Variants in SWAP70 observed in about 807,000 individuals in gnomAD.
SWAP70 encodes the protein switching B cell complex subunit SWAP70, also known as switch-associated protein 70.
Under a neutral mutation model 80.2 loss-of-function variants are expected in SWAP70, and 34 were observed. The ratio of observed to expected loss-of-function variants is 0.42; its 90% CI spans 0.32 to 0.56. SWAP70 has a LOEUF of 0.56. SWAP70 is among the 20% of genes least tolerant of loss of function. The pLI, the probability that SWAP70 is intolerant of heterozygous loss-of-function variation, is 0.09. For synonymous variants in SWAP70, 239 were observed against 238.5 expected (o/e 1.00, Z -0.02); for missense variants, 578 against 690.7 (o/e 0.84, Z 1.83).
At chr11:9,689,521 G>A (rs1177374918) in intron 1 of SWAP70, among the ~76,000 whole-genome samples, 2 of 152,236 alleles carry the variant, frequency 1.3e-5, no homozygotes, top group South Asian at 2.1e-4. Context: ...AATTATGTGG[G>A]TGCTGAAAGA....
At position 9,740,065 on chromosome 11, in the gene SWAP70, T is replaced by C. The variant is rs1018792441; in HGVS notation, c.1189-116T>C. 1.1e-5 allele frequency: 9 copies of C among 838,324 alleles called. No homozygotes were observed. The African/African-American group carries it at 1.5e-4, about 14-fold the overall frequency. The allele number at this position is 838,324 out of a possible 1,614,324, so 51.9% of individuals were successfully genotyped here. A position where few individuals can be genotyped will look rare whatever the true frequency, so the allele number is the denominator to read the frequency against. On this transcript the variant is annotated intron_variant, in intron 8 of 11. Transcript: ENST00000318950. ...TAAGTTCAAGGATTGAAGGACAGGGTCCTGCCACCCTGATGGGCTGAGGCT... is the reference window on the plus strand; with the variant it reads ...TAAGTTCAAGGATTGAAGGACAGGGCCCTGCCACCCTGATGGGCTGAGGCT...
In SWAP70 at chr11:9,674,360, G is replaced by T. The variant is rs569802589; in HGVS notation, c.99+10082G>T. Among the ~76,000 whole-genome samples the T allele has an allele frequency of 2.6e-3, 391 of 152,164 alleles. 4 individuals are homozygous for T. The highest frequency in any genetic ancestry group is 3.9e-3 in the Non-Finnish European group (263 of 68,016). ...TATCACATGTTGCAGACAGACTTTT[G>T]TCAAACTTATCAATAAAATCGAACT... On this transcript the variant is annotated intron_variant, in intron 1 of 11. Transcript: ENST00000318950.
chr11:9,694,314 A>C, intron 2 of SWAP70, 28 bp downstream of exon 2: 1 of 1,578,964 alleles, frequency 6.3e-7, no homozygotes, highest in African/African-American at 1.4e-5. Context: ...TTTTGGGTGT[A>C]GCATTGTTTG....
intron 9 of SWAP70, among the ~76,000 whole-genome samples, chr11:9,742,386 G>C (rs1332681397): frequency 7.2e-5 from 11 of 151,806 alleles, no homozygotes; most frequent in Non-Finnish European, 1.5e-4. Flanking sequence ...TATCAGGCTG[G>C]AGTGCAGTGG....
chr11:9,709,166 C>T (rs1053916326), intron 2 of SWAP70, among the ~76,000 whole-genome samples: 1 of 151,996 alleles, frequency 6.6e-6, no homozygotes, highest in Admixed American at 6.6e-5. Flanking sequence ...CTTTGTCGCC[C>T]AGGCTGGAGT....
intron 1 of SWAP70, among the ~76,000 whole-genome samples, chr11:9,670,481 G>T (rs1027981245): frequency 6.6e-6 from 1 of 152,008 alleles, no homozygotes; most frequent in Non-Finnish European, 1.5e-5. Context: ...GTCCTTGATG[G>T]GTGTATGTTC....
intron 2 of SWAP70, among the ~76,000 whole-genome samples, chr11:9,705,767 G>A (rs1265817833): frequency 1.5e-5 from 2 of 134,110 alleles, no homozygotes; most frequent in African/African-American, 6.5e-5. Context: ...TGTATACACT[G>A]GTGATCTGTG....
rs1398049150 is a variant in SWAP70 at position 9,751,589 on chromosome 11, G to A, written c.*1619G>A. On this transcript the variant is annotated 3_prime_UTR_variant, in exon 12 of 12. Coordinates refer to ENST00000318950, the MANE Select transcript of SWAP70 (RefSeq NM_015055.4). ...GACAGAGAACCTCAGGTGTTCTTATGCTAGTGCTTGCTGAGTGCATACTAA... is the reference window on the plus strand; with the variant it reads ...GACAGAGAACCTCAGGTGTTCTTATACTAGTGCTTGCTGAGTGCATACTAA... 1 of 152,150 alleles carries A rather than the reference G, an allele frequency of 6.6e-6. No individual in the cohort carries two copies. The highest frequency in any genetic ancestry group is 2.4e-5 in the African/African-American group (1 of 41,426). The allele number at this position is 152,150 out of a possible 1,614,324, so 9.4% of individuals were successfully genotyped here. A position where few individuals can be genotyped will look rare whatever the true frequency, so the allele number is the denominator to read the frequency against.
At chr11:9,671,496 A>G (rs1489046426) in intron 1 of SWAP70, among the ~76,000 whole-genome samples, 1 of 89,906 alleles carries the variant, frequency 1.1e-5, no homozygotes, top group Non-Finnish European at 2.0e-5. Context: ...ATAAATATAT[A>G]TATAAATATA....
chr11:9,704,001 A>G lies in SWAP70; in HGVS notation c.241-9465A>G, dbSNP rs928236556. Among the ~76,000 whole-genome samples the G allele has an allele frequency of 3.3e-5, 5 of 152,340 alleles. No individual in the cohort carries two copies. In the East Asian group the frequency reaches 7.7e-4, roughly 24 times the overall value. ...CTGGTTTAAATGGTTTTATGAAACT[A>G]TAAAACCATTGAGATATAATTCACA... On this transcript the variant is annotated intron_variant, in intron 2 of 11. Transcript: ENST00000318950.
intron 2 of SWAP70, among the ~76,000 whole-genome samples, chr11:9,699,969 T>C (rs11042471): frequency 0.1 from 15,563 of 151,590 alleles, 1,574 homozygotes; most frequent in African/African-American, 0.26. Context: ...TCTCAGAAAT[T>C]CGAATTTGTT....
intron 3 of SWAP70, among the ~76,000 whole-genome samples, chr11:9,721,055 A>G (rs1391359652): frequency 6.6e-6 from 1 of 152,230 alleles, no homozygotes; most frequent in Non-Finnish European, 1.5e-5. Flanking sequence ...GCTTCAGGTG[A>G]TCTGCCCGCC....
chr11:9,677,655 G>A lies in SWAP70; in HGVS notation c.99+13377G>A, dbSNP rs143556751. Among the ~76,000 whole-genome samples the A allele has an allele frequency of 8.2e-4, 125 of 152,274 alleles. 1 individual carries two copies. The Middle Eastern group carries it at 0.01, about 12-fold the overall frequency. ...GTTATAGCTTTACTTTGCAGTTATG[G>A]TTGCAGGGTGAATTACATGTCAGCA... On this transcript the variant is annotated intron_variant, in intron 1 of 11. Transcript: ENST00000318950.
At chr11:9,685,883 T>C (rs933719841) in intron 1 of SWAP70, among the ~76,000 whole-genome samples, 4 of 152,116 alleles carry the variant, frequency 2.6e-5, no homozygotes, top group African/African-American at 9.7e-5. Context: ...CTACCTTCCT[T>C]GGCCTCCTCC....
intron 3 of SWAP70, among the ~76,000 whole-genome samples, chr11:9,722,965 T>C (rs1163475073): frequency 6.6e-6 from 1 of 152,150 alleles, no homozygotes; most frequent in African/African-American, 2.4e-5. Context: ...CCCTGATCTA[T>C]GGTATTGGTG....
rs562376466 is a variant in SWAP70, at chr11:9,745,035, C to T, written c.1356-2823C>T. Among the ~76,000 whole-genome samples the T allele has an allele frequency of 5.9e-5, 9 of 152,294 alleles. No individual in the cohort carries two copies. In the South Asian group the frequency reaches 1.7e-3, roughly 28 times the overall value. ...AGTCGTGTCTGTATTCCCAGCAACTCGTACCTGGCACACAGTAAGTACCCA... is the reference window on the plus strand; with the variant it reads ...AGTCGTGTCTGTATTCCCAGCAACTTGTACCTGGCACACAGTAAGTACCCA... On this transcript the variant is annotated intron_variant, in intron 9 of 11. Coordinates refer to ENST00000318950, the MANE Select transcript of SWAP70 (RefSeq NM_015055.4).
intron 1 of SWAP70, among the ~76,000 whole-genome samples, chr11:9,678,839 G>A (rs1169846473): frequency 6.6e-6 from 1 of 151,918 alleles, no homozygotes; most frequent in African/African-American, 2.4e-5. Context: ...ACTCTCACTC[G>A]CTTCCTTAGT....
chr11:9,737,571 T>C (rs1461989422), intron 7 of SWAP70, among the ~76,000 whole-genome samples: 4 of 152,168 alleles, frequency 2.6e-5, no homozygotes, highest in Non-Finnish European at 4.4e-5. Context: ...ATGAAAAAAC[T>C]GTACAGAAAG....
intron 1 of SWAP70, among the ~76,000 whole-genome samples, chr11:9,685,043 T>C (rs1037179635): frequency 2.6e-5 from 4 of 152,068 alleles, no homozygotes; most frequent in Non-Finnish European, 5.9e-5. Flanking sequence ...ATTTGTGCAA[T>C]ATTTCACTGG....
Sources: allele counts gnomAD v4.1 joint callset (sites outside exome capture counted in the v4.1 genomes callset), GRCh38; gene constraint gnomAD v4.1.1; transcripts MANE v1.5; gene names NCBI Gene and HGNC (gene_info 2026-07-23, HGNC 2026-07-21).